Variants in MARCHF8 observed in about 807,000 individuals in gnomAD.
MARCHF8 encodes membrane associated ring-CH-type finger 8, also known as E3 ubiquitin-protein ligase MARCHF8.
MARCHF8 carries 40 observed loss-of-function variants against 51.6 expected under a neutral mutation model. That is an observed-to-expected ratio of 0.77 (90% CI 0.60 to 1.01). The LOEUF is 1.01. MARCHF8 is among the 50% of genes least tolerant of loss of function. The probability of loss-of-function intolerance (pLI) is 0.00; values close to 1 mark genes in which losing one functional copy is unlikely to be tolerated. For missense variants in MARCHF8, 685 were observed against 708.6 expected (o/e 0.97, Z 0.38); for synonymous variants, 263 against 280.3 (o/e 0.94, Z 0.62).
chr10:45,496,560 A>C (rs1455126928), intron 2 of MARCHF8, among the ~76,000 whole-genome samples: 1 of 152,146 alleles, frequency 6.6e-6, no homozygotes, highest in African/African-American at 2.4e-5. Flanking sequence ...TTAAAATAAC[A>C]AACTGTATAA....
intron 1 of MARCHF8, among the ~76,000 whole-genome samples, chr10:45,548,465 C>T (rs1350612419): frequency 6.6e-6 from 1 of 152,032 alleles, no homozygotes; most frequent in Non-Finnish European, 1.5e-5. Flanking sequence ...AAACCAGGTG[C>T]AATTAACTGG....
upstream of MARCHF8, among the ~76,000 whole-genome samples, chr10:45,537,971 T>C (rs2043997006): frequency 6.6e-6 from 1 of 152,200 alleles, no homozygotes; most frequent in South Asian, 2.1e-4. Flanking sequence ...TTCCTTTGTG[T>C]TATCCCTAAT....
At chr10:45,569,695 A>C (rs75748332) in intron 1 of MARCHF8, among the ~76,000 whole-genome samples, 5,367 of 152,294 alleles carry the variant, frequency 0.035, 145 homozygotes, top group Non-Finnish European at 0.052. Flanking sequence ...GCTACTCTGT[A>C]CATGTCTATG....
intron 1 of MARCHF8, among the ~76,000 whole-genome samples, chr10:45,590,183 G>A (rs184717216): frequency 5.8e-4 from 89 of 152,208 alleles, no homozygotes; most frequent in Non-Finnish European, 3.8e-4. Flanking sequence ...ATTTCACTGT[G>A]GTTTTGATTT....
chr10:45,495,839 G>GAGAAAAA (rs1257728118), intron 2 of MARCHF8, among the ~76,000 whole-genome samples: 12 of 147,764 alleles, frequency 8.1e-5, no homozygotes, highest in African/African-American at 3.0e-4. Flanking sequence ...AAAGAGAAAA[G>GAGAAAAA]AGAAAAAAGA....
intron 2 of MARCHF8, among the ~76,000 whole-genome samples, chr10:45,505,790 T>A (rs2043368927): frequency 6.6e-6 from 1 of 152,262 alleles, no homozygotes; most frequent in South Asian, 2.1e-4. Flanking sequence ...GTCTGGTTTG[T>A]TAGTTTTTTT....
intron 1 of MARCHF8, chr10:45,594,189 T>G (rs1451707659): frequency 6.6e-6 from 1 of 152,152 alleles, no homozygotes; most frequent in Non-Finnish European, 1.5e-5. Flanking sequence ...TGAAAACAGA[T>G]TTAAAGACCA....
chr10:45,503,777 A>G (rs1259242858), intron 2 of MARCHF8, among the ~76,000 whole-genome samples: 3 of 151,224 alleles, frequency 2.0e-5, no homozygotes, highest in Non-Finnish European at 4.4e-5. Flanking sequence ...ATACAATGGA[A>G]TATTATTCAG....
At chr10:45,510,371 C>G (rs2043475204) in intron 2 of MARCHF8, among the ~76,000 whole-genome samples, 1 of 152,090 alleles carries the variant, frequency 6.6e-6, no homozygotes. Context: ...ATGACATAAT[C>G]TACATCTATC....
intron 1 of MARCHF8, among the ~76,000 whole-genome samples, chr10:45,551,519 C>T (rs1375999106): frequency 6.6e-6 from 1 of 152,026 alleles, no homozygotes. Flanking sequence ...CTATAGGTGC[C>T]TGTCACCACA....
At chr10:45,564,323 A>C (rs2044341833) in intron 1 of MARCHF8, among the ~76,000 whole-genome samples, 1 of 151,966 alleles carries the variant, frequency 6.6e-6, no homozygotes, top group Non-Finnish European at 1.5e-5. Context: ...AAATTCAAAA[A>C]CAGAAAAGAC....
chr10:45,462,208 T>C (rs1842810305), intron 5 of MARCHF8: 1 of 152,132 alleles, frequency 6.6e-6, no homozygotes, highest in Non-Finnish European at 1.5e-5. Flanking sequence ...ATGTTAGAAA[T>C]GATGACAGCT....
At chr10:45,471,172 T>C (rs191887715) in intron 3 of MARCHF8, among the ~76,000 whole-genome samples, 7 of 152,362 alleles carry the variant, frequency 4.6e-5, no homozygotes, top group East Asian at 3.9e-4. Flanking sequence ...CTCATTAGCA[T>C]TGCTTACGCC....
intron 1 of MARCHF8, among the ~76,000 whole-genome samples, chr10:45,585,549 C>G (rs1304844342): frequency 6.6e-6 from 1 of 152,024 alleles, no homozygotes; most frequent in Admixed American, 6.6e-5. Context: ...CTTAGAGATA[C>G]AAATGTGGTA....
At chr10:45,532,458 G>A (rs903987224) in intron 2 of MARCHF8, among the ~76,000 whole-genome samples, 3 of 152,138 alleles carry the variant, frequency 2.0e-5, no homozygotes, top group African/African-American at 7.2e-5. Flanking sequence ...GTATTTGGAG[G>A]TGGGGCCTTG....
intron 2 of MARCHF8, among the ~76,000 whole-genome samples, chr10:45,528,937 A>C (rs142039777): frequency 1.5e-3 from 235 of 152,326 alleles, no homozygotes; most frequent in African/African-American, 5.3e-3. Context: ...TAAAAATACT[A>C]ACATTGTTTT....
In MARCHF8 at chr10:45,476,891, T is replaced by C. The variant is rs192000082; in HGVS notation, c.153+12476A>G. ...CATGAAATGACCAAATATTCAAATTTTCAGTGTCTCAGAAGACAAACAGAA... is the reference window on the plus strand; with the variant it reads ...CATGAAATGACCAAATATTCAAATTCTCAGTGTCTCAGAAGACAAACAGAA... On this transcript the variant is annotated intron_variant, in intron 3 of 7. Transcript: ENST00000453424. 1.3e-3 allele frequency among the ~76,000 whole-genome samples: 201 copies of C among 152,270 alleles called. 1 individual carries two copies. The highest frequency in any genetic ancestry group is 4.4e-3 in the African/African-American group (181 of 41,564).
At chr10:45,531,623 GA>G (rs2043887538) in intron 2 of MARCHF8, among the ~76,000 whole-genome samples, 2 of 152,140 alleles carry the variant, frequency 1.3e-5, no homozygotes, top group Non-Finnish European at 2.9e-5. Context: ...CACTGAAACT[GA>G]ATTCATATTC....
At chr10:45,501,350 A>G (rs1005873422) in intron 2 of MARCHF8, among the ~76,000 whole-genome samples, 2 of 152,134 alleles carry the variant, frequency 1.3e-5, no homozygotes, top group African/African-American at 4.8e-5. Flanking sequence ...CAATGGAACA[A>G]GACAGAGAAT....
Sources: allele counts gnomAD v4.1 joint callset (sites outside exome capture counted in the v4.1 genomes callset), GRCh38; gene constraint gnomAD v4.1.1; transcripts MANE v1.5; gene names NCBI Gene and HGNC (gene_info 2026-07-23, HGNC 2026-07-21).